Variants in ITGA8 observed in about 807,000 individuals in gnomAD.
ITGA8 encodes integrin subunit alpha 8, also known as integrin alpha-8.
In ITGA8, 91 loss-of-function variants were observed where a neutral mutation model predicts 142.3. The observed-to-expected ratio is 0.64, with a 90% confidence interval of 0.54 to 0.76. The LOEUF (loss-of-function observed/expected upper bound fraction) is 0.76, where lower values mean the gene tolerates loss of function less well. ITGA8 is among the 30% of genes least tolerant of loss of function. The pLI, the probability that ITGA8 is intolerant of heterozygous loss-of-function variation, is 0.00. For missense variants in ITGA8, 1,406 were observed against 1,327.7 expected (o/e 1.06, Z -0.92); for synonymous variants, 505 against 485.2 (o/e 1.04, Z -0.54).
At chr10:15,618,779 G>A (rs577322332) in intron 13 of ITGA8, among the ~76,000 whole-genome samples, 10 of 152,292 alleles carry the variant, frequency 6.6e-5, no homozygotes, top group East Asian at 5.8e-4. Context: ...TTTGGGACTC[G>A]GACTGGCTTC....
chr10:15,656,781 C>T lies in ITGA8; in HGVS notation c.949-1375G>A, dbSNP rs557990390. On this transcript the variant is annotated intron_variant, in intron 10 of 29. Coordinates refer to ENST00000378076, the MANE Select transcript of ITGA8 (RefSeq NM_003638.3). ...ATAGTTTCAGGTTGCCAGTTTGCTT[C>T]CATAGTGTGCCATGCAATGTTTGAA... Among the ~76,000 whole-genome samples the T allele has an allele frequency of 1.1e-3, 168 of 152,318 alleles. 1 individual carries two copies. Among genetic ancestry groups the T allele is most frequent in the African/African-American group, 3.9e-3 (162 of 41,582 alleles).
intron 27 of ITGA8, among the ~76,000 whole-genome samples, chr10:15,545,826 ATTT>A (rs1191405462): frequency 2.0e-5 from 3 of 152,128 alleles, no homozygotes; most frequent in Non-Finnish European, 4.4e-5. Context: ...GTATGTATTA[ATTT>A]ATTTATTTAC....
intron 13 of ITGA8, among the ~76,000 whole-genome samples, chr10:15,641,938 G>C (rs371807425): frequency 6.6e-6 from 1 of 152,078 alleles, no homozygotes; most frequent in East Asian, 1.9e-4. Context: ...GACCATCTTG[G>C]CCAACATGGT....
At chr10:15,683,708 C>T (rs575900815) in intron 4 of ITGA8, among the ~76,000 whole-genome samples, 17 of 152,188 alleles carry the variant, frequency 1.1e-4, no homozygotes, top group African/African-American at 1.9e-4. Context: ...GGACACGGAA[C>T]GTGAATTTTG....
intron 13 of ITGA8, among the ~76,000 whole-genome samples, chr10:15,625,848 C>T (rs1182682697): frequency 6.6e-6 from 1 of 152,136 alleles, no homozygotes; most frequent in African/African-American, 2.4e-5. Flanking sequence ...TGAAAAGCAG[C>T]CCCCAAATCA....
chr10:15,639,734 A>T (rs1300490981), intron 13 of ITGA8, among the ~76,000 whole-genome samples: 7 of 152,232 alleles, frequency 4.6e-5, no homozygotes. Context: ...CACCAGGGTC[A>T]CTTAAACATG....
chr10:15,539,840 C>T (rs1226196940), intron 27 of ITGA8, among the ~76,000 whole-genome samples: 1 of 152,132 alleles, frequency 6.6e-6, no homozygotes, highest in African/African-American at 2.4e-5. Flanking sequence ...CAAATCTCAC[C>T]TTGAATTGTA....
intron 23 of ITGA8, among the ~76,000 whole-genome samples, chr10:15,577,963 C>T (rs1834331178): frequency 6.6e-6 from 1 of 151,998 alleles, no homozygotes; most frequent in Non-Finnish European, 1.5e-5. Flanking sequence ...AAAATTAAAC[C>T]TTATTTTGAG....
Position 15,521,395 on chromosome 10 carries a change from T to C in ITGA8, c.2983-1983A>G, listed in dbSNP as rs532299394. Among the ~76,000 whole-genome samples the C allele has an allele frequency of 2.5e-3, 378 of 152,256 alleles. 2 individuals are homozygous for C. Among genetic ancestry groups the C allele is most frequent in the Admixed American group, 4.0e-3 (61 of 15,284 alleles). ...TCAGCTTGTCTTGGTTTTTTATTGC[T>C]CCTTCCTTCTTGATCCGCATCCCCC... On this transcript the variant is annotated intron_variant, in intron 28 of 29. Coordinates refer to ENST00000378076, the MANE Select transcript of ITGA8 (RefSeq NM_003638.3).
At chr10:15,651,065 G>C (rs1359114684) in intron 11 of ITGA8, among the ~76,000 whole-genome samples, 1 of 152,072 alleles carries the variant, frequency 6.6e-6, no homozygotes, top group African/African-American at 2.4e-5. Flanking sequence ...CTAAGAATCT[G>C]TTTAAATTTG....
intron 21 of ITGA8, among the ~76,000 whole-genome samples, chr10:15,594,029 A>G (rs767370727): frequency 6.6e-6 from 1 of 151,702 alleles, no homozygotes; most frequent in Non-Finnish European, 1.5e-5. Context: ...TTTAGAAGAG[A>G]CGGGGTTTCA....
intron 27 of ITGA8, among the ~76,000 whole-genome samples, chr10:15,546,639 G>T (rs1191349028): frequency 6.6e-6 from 1 of 151,794 alleles, no homozygotes; most frequent in South Asian, 2.1e-4. Flanking sequence ...GGTCTAAAAC[G>T]TTAATAGTGC....
chr10:15,538,953 GTTTTTTTTTT>G (rs367805176), intron 27 of ITGA8, among the ~76,000 whole-genome samples: 2 of 132,196 alleles, frequency 1.5e-5, no homozygotes, highest in Admixed American at 7.9e-5. Context: ...TCAGGTAAAG[GTTTTTTTTTT>G]TTTTTTTTTT....
At chr10:15,660,948 A>C in intron 8 of ITGA8, 26 bp from the exon 9 acceptor site, 1 of 1,603,972 alleles carries the variant, frequency 6.2e-7, no homozygotes, top group African/African-American at 1.3e-5. Context: ...GCCATTTAGA[A>C]GGGGAATTAC....
At chr10:15,647,526 A>G (rs919945600) in intron 11 of ITGA8, among the ~76,000 whole-genome samples, 25 of 139,802 alleles carry the variant, frequency 1.8e-4, no homozygotes, top group Admixed American at 7.8e-4. Context: ...GCAGTGGCGC[A>G]ATCTCGGCTC....
intron 27 of ITGA8, 94 bp downstream of exon 27, chr10:15,548,361 A>T: frequency 1.2e-6 from 1 of 860,600 alleles, no homozygotes; most frequent in Non-Finnish European, 1.9e-6. Flanking sequence ...CCACAGTGTT[A>T]AATTAGAAAT....
At chr10:15,673,499 C>G (rs968350953) in intron 6 of ITGA8, among the ~76,000 whole-genome samples, 8 of 152,178 alleles carry the variant, frequency 5.3e-5, no homozygotes, top group African/African-American at 1.2e-4. Flanking sequence ...AGTGCATTCT[C>G]TAAGGTCATA....
At chr10:15,640,565 G>T (rs1244133276) in intron 13 of ITGA8, among the ~76,000 whole-genome samples, 2 of 152,194 alleles carry the variant, frequency 1.3e-5, no homozygotes, top group Admixed American at 6.5e-5. Context: ...GGTTTAGAAA[G>T]CATGCCATCC....
chr10:15,615,711 G>C (rs1588676951), intron 14 of ITGA8, among the ~76,000 whole-genome samples: 1 of 152,062 alleles, frequency 6.6e-6, no homozygotes, highest in African/African-American at 2.4e-5. Flanking sequence ...ATGGGGTTTT[G>C]CTATGTTGAC....
Sources: allele counts gnomAD v4.1 joint callset (sites outside exome capture counted in the v4.1 genomes callset), GRCh38; gene constraint gnomAD v4.1.1; transcripts MANE v1.5; gene names NCBI Gene and HGNC (gene_info 2026-07-23, HGNC 2026-07-21).